The following NELL2 variants were observed in gnomAD, a reference collection of about 807,000 sequenced individuals.
The protein encoded by NELL2 is neural EGFL like 2, also known as protein kinase C-binding protein NELL2.
Under a neutral mutation model 109.6 loss-of-function variants are expected in NELL2, and 41 were observed. The ratio of observed to expected loss-of-function variants is 0.37; its 90% CI spans 0.29 to 0.49. The LOEUF (loss-of-function observed/expected upper bound fraction) is 0.49. Among genes scored for constraint, NELL2 ranks in the 20% least tolerant of loss-of-function variants. The probability of loss-of-function intolerance (pLI) is 0.98; values close to 1 mark genes in which losing one functional copy is unlikely to be tolerated. For missense variants in NELL2, 900 were observed against 1,008.3 expected (o/e 0.89, Z 1.45); for synonymous variants, 355 against 344.7 (o/e 1.03, Z -0.33).
chr12:44,595,640 A>C (rs1944931408), intron 15 of NELL2, among the ~76,000 whole-genome samples: 1 of 138,876 alleles, frequency 7.2e-6, no homozygotes, highest in Admixed American at 7.7e-5. Context: ...ATGAGGTTTC[A>C]CCATGTTAGC....
At chr12:44,651,952 A>C in intron 13 of NELL2, among the ~76,000 whole-genome samples, 1 of 152,184 alleles carries the variant, frequency 6.6e-6, no homozygotes, top group African/African-American at 2.4e-5. Context: ...CAGATCCAAA[A>C]TTAATAGGGA....
chr12:44,860,254 C>T (rs1944798854), intron 2 of NELL2, among the ~76,000 whole-genome samples: 2 of 152,178 alleles, frequency 1.3e-5, no homozygotes, highest in African/African-American at 4.8e-5. Flanking sequence ...TTGCAAACCA[C>T]TCCATAAACA....
At chr12:44,822,128 T>C (rs571627146) in intron 2 of NELL2, among the ~76,000 whole-genome samples, 18 of 152,030 alleles carry the variant, frequency 1.2e-4, no homozygotes, top group Non-Finnish European at 2.2e-4. Flanking sequence ...AGGAATCCAA[T>C]ATAGAAAAAT....
intron 9 of NELL2, among the ~76,000 whole-genome samples, chr12:44,725,823 G>C (rs1015346049): frequency 1.1e-4 from 16 of 152,100 alleles, no homozygotes; most frequent in Non-Finnish European, 1.5e-5. Flanking sequence ...CACAAAGAAG[G>C]AAACAGCAGA....
At position 44,808,835 on chromosome 12, in the gene NELL2, C is replaced by T. The variant is rs1837115473; in HGVS notation, c.335+7151G>A. Among the ~76,000 whole-genome samples, 5 of 152,034 alleles carry T rather than the reference C, an allele frequency of 3.3e-5. No homozygotes were observed. In the South Asian group the frequency reaches 1.0e-3, roughly 32 times the overall value. On this transcript the variant is annotated intron_variant, in intron 3 of 19. Transcript: ENST00000429094. ...CCTCATACATAAATACATTTTTACTCACCCAGAATGTATAATTAATATTAA... is the reference window on the plus strand; with the variant it reads ...CCTCATACATAAATACATTTTTACTTACCCAGAATGTATAATTAATATTAA...
At chr12:44,776,222 G>A (rs1043205182) in intron 7 of NELL2, 72 bp from the exon 8 acceptor site, 3 of 1,550,294 alleles carry the variant, frequency 1.9e-6, no homozygotes, top group Non-Finnish European at 2.6e-6. Flanking sequence ...CACTCCGCAG[G>A]TATCTTTTTT....
chr12:44,679,194 G>A (rs1205039996), intron 12 of NELL2, among the ~76,000 whole-genome samples: 1 of 152,058 alleles, frequency 6.6e-6, no homozygotes, highest in Admixed American at 6.6e-5. Context: ...TGAAACTAGG[G>A]AGAAGGAAGA....
chr12:44,752,589 A>G (rs1257681447), intron 9 of NELL2, among the ~76,000 whole-genome samples: 1 of 152,200 alleles, frequency 6.6e-6, no homozygotes, highest in Non-Finnish European at 1.5e-5. Context: ...CTTAGGAGAT[A>G]AATAAAATTC....
chr12:44,608,769 C>A (rs1178922126), intron 14 of NELL2, among the ~76,000 whole-genome samples: 1 of 151,768 alleles, frequency 6.6e-6, no homozygotes, highest in Non-Finnish European at 1.5e-5. Context: ...TCAGAACCTT[C>A]AGGTGATTTG....
rs942835954 is a variant in NELL2, at chr12:44,582,096, T to C, written c.1663+25073A>G. On this transcript the variant is annotated intron_variant, in intron 15 of 19. Transcript: ENST00000429094. The stretch of plus-strand genomic sequence containing the variant: ...AAGAAGGTAGAGACAAGGCCATCGA[T>C]AGTAGGAGGAGGGTGGGTAAAGACT... Among the ~76,000 whole-genome samples, 11 of 152,100 alleles carry C rather than the reference T, an allele frequency of 7.2e-5. No homozygotes were observed. The South Asian group carries it at 2.1e-3, about 29-fold the overall frequency.
At chr12:44,717,386 T>C (rs1938544508) in intron 9 of NELL2, among the ~76,000 whole-genome samples, 1 of 152,154 alleles carries the variant, frequency 6.6e-6, no homozygotes, top group African/African-American at 2.4e-5. Flanking sequence ...GATATTCTCC[T>C]AGGTACTGGA....
rs573169546 is a variant in NELL2 at position 44,865,294 on chromosome 12, C to T, written c.184+9931G>A. Among the ~76,000 whole-genome samples the T allele has an allele frequency of 3.4e-4, 48 of 141,380 alleles. 1 individual carries two copies. In the East Asian group the frequency reaches 7.5e-3, roughly 22 times the overall value. The allele number at this position is 141,380 out of a possible 152,430, so 92.8% of individuals were successfully genotyped here. Reference sequence around the variant, plus strand: ...AGCCCTTTGTCCGATGAGTAGGTTGCAAAAATTTTCTCCCATGTTGTAGGT... The same window carrying T: ...AGCCCTTTGTCCGATGAGTAGGTTGTAAAAATTTTCTCCCATGTTGTAGGT... On this transcript the variant is annotated intron_variant, in intron 2 of 19. Coordinates refer to ENST00000429094, the MANE Select transcript of NELL2 (RefSeq NM_001145108.2).
chr12:44,721,199 A>C (rs1938752517), intron 9 of NELL2, among the ~76,000 whole-genome samples: 1 of 152,220 alleles, frequency 6.6e-6, no homozygotes, highest in African/African-American at 2.4e-5. Flanking sequence ...GCAATCTAAA[A>C]ATATTCTGAA....
chr12:44,744,919 T>C (rs890696477), intron 9 of NELL2, among the ~76,000 whole-genome samples: 17 of 152,040 alleles, frequency 1.1e-4, no homozygotes, highest in African/African-American at 2.9e-4. Flanking sequence ...TTCCAACCAA[T>C]AGAAAAAGAG....
intron 9 of NELL2, among the ~76,000 whole-genome samples, chr12:44,715,003 A>C (rs1938412122): frequency 6.6e-6 from 1 of 151,924 alleles, no homozygotes; most frequent in African/African-American, 2.4e-5. Context: ...AAGTAGTGCC[A>C]AAAAGCAGAC....
intron 5 of NELL2, among the ~76,000 whole-genome samples, chr12:44,779,029 G>A (rs1462514014): frequency 6.6e-6 from 1 of 152,154 alleles, no homozygotes; most frequent in Admixed American, 6.5e-5. Flanking sequence ...GCCACTGGGG[G>A]AAAATGATTG....
intron 2 of NELL2, among the ~76,000 whole-genome samples, chr12:44,870,475 TA>T (rs1296387784): frequency 1.3e-5 from 2 of 152,264 alleles, no homozygotes; most frequent in East Asian, 3.9e-4. Context: ...ACCACAAACT[TA>T]GTGACTTAAA....
intron 12 of NELL2, among the ~76,000 whole-genome samples, chr12:44,691,491 A>T (rs1358696536): frequency 6.6e-6 from 1 of 152,138 alleles, no homozygotes; most frequent in East Asian, 1.9e-4. Flanking sequence ...ATACAACGAT[A>T]TTGAAATTAG....
At chr12:44,794,510 G>A (rs1942549833) in intron 3 of NELL2, among the ~76,000 whole-genome samples, 1 of 152,182 alleles carries the variant, frequency 6.6e-6, no homozygotes, top group African/African-American at 2.4e-5. Flanking sequence ...ACAGCACCCC[G>A]GTCAGTTATG....
Sources: allele counts gnomAD v4.1 joint callset (sites outside exome capture counted in the v4.1 genomes callset), GRCh38; gene constraint gnomAD v4.1.1; transcripts MANE v1.5; gene names NCBI Gene and HGNC (gene_info 2026-07-23, HGNC 2026-07-21).